The following OR2K2 variants were observed in gnomAD, a reference collection of about 807,000 sequenced individuals.
The protein encoded by OR2K2 is olfactory receptor 2K2.
OR2K2 carries 7 observed loss-of-function variants against 11.1 expected under a neutral mutation model. That is an observed-to-expected ratio of 0.63 (90% CI 0.36 to 1.19). The LOEUF (loss-of-function observed/expected upper bound fraction) is 1.19. OR2K2 is among the 50% of genes most tolerant of loss of function. The pLI is 0.02. For synonymous variants in OR2K2, 152 were observed against 150.8 expected (o/e 1.01, Z -0.06); for missense variants, 391 against 383.4 (o/e 1.02, Z -0.17).
At chr9:111,329,090 T>A (rs2098102133) in intron 1 of OR2K2, among the ~76,000 whole-genome samples, 1 of 151,824 alleles carries the variant, frequency 6.6e-6, no homozygotes, top group Non-Finnish European at 1.5e-5. Flanking sequence ...GTGGCGCACA[T>A]CTGTGGTCCC....
Position 111,327,784 on chromosome 9 carries a change from T to C in OR2K2, c.650A>G (p.Tyr217Cys). ...PIPMLLVCIS[Y>C]IFILSTILRI... ...CAGAATAGTGGAAAGGATGAAGATG[T>C]AAGAGATGCAAACTAAGAGCATTGG... The change falls in exon 2 of 2, where the codon TAC (tyrosine) becomes TGC (cysteine). Residue 217 changes from tyrosine to cysteine, a missense_variant. Physicochemically the swap from Tyr to Cys is radical, Grantham distance 194. Coordinates refer to ENST00000302681, the MANE Select transcript of OR2K2 (RefSeq NM_205859.2). The C allele has an allele frequency of 6.2e-7, 1 of 1,614,158 alleles. No individual in the cohort carries two copies. The highest frequency in any genetic ancestry group is 8.5e-7 in the Non-Finnish European group (1 of 1,180,026).
rs570703827 is a variant in OR2K2, at chr9:111,327,320, A to G, written c.*163T>C. Among the ~76,000 whole-genome samples the G allele has an allele frequency of 3.9e-5, 6 of 152,324 alleles. No homozygotes were observed. The East Asian group carries it at 1.2e-3, about 29-fold the overall frequency. On this transcript the variant is annotated 3_prime_UTR_variant, in exon 2 of 2. Coordinates refer to ENST00000302681, the MANE Select transcript of OR2K2 (RefSeq NM_205859.2). Reference sequence around the variant, plus strand: ...GAAATATTAACAAATGCAAATTGAAACCTACTATTATTAATAGGCAATCAC... The same window carrying G: ...GAAATATTAACAAATGCAAATTGAAGCCTACTATTATTAATAGGCAATCAC...
rs936933943 is a variant in OR2K2, at chr9:111,330,207, T to C, written c.-151A>G. 1.3e-5 allele frequency: 2 copies of C among 152,220 alleles called. No homozygotes were observed. The highest frequency in any genetic ancestry group is 1.3e-4 in the Admixed American group (2 of 15,284). The allele number at this position is 152,220 out of a possible 1,614,324, so 9.4% of individuals were successfully genotyped here. A position where few individuals can be genotyped will look rare whatever the true frequency, so the allele number is the denominator to read the frequency against. On this transcript the variant is annotated 5_prime_UTR_variant, in exon 1 of 2. Coordinates refer to ENST00000302681, the MANE Select transcript of OR2K2 (RefSeq NM_205859.2). The stretch of plus-strand genomic sequence containing the variant: ...CTTCAAATAAAACGTTGTTTTATGA[T>C]GCACTTCATAAAGTTAACTACGTCC...
chr9:111,328,516 T>C, intron 1 of OR2K2, 34 bp from the exon 2 acceptor site: 2 of 906,348 alleles, frequency 2.2e-6, no homozygotes, highest in Non-Finnish European at 1.7e-6. Flanking sequence ...AAGTGTGATA[T>C]TCATTTAGTT....
chr9:111,328,228 A>G lies in OR2K2; in HGVS notation c.206T>C (p.Met69Thr), dbSNP rs374784106. The G allele has an allele frequency of 2.2e-5, 35 of 1,614,036 alleles. No homozygotes were observed. The highest frequency in any genetic ancestry group is 8.0e-5 in the African/African-American group (6 of 74,928). Residue 69 changes from methionine (M) to threonine (T), a missense_variant, in exon 2 of 2, where the codon ATG becomes ACG. Met to Thr is a moderately conservative substitution (Grantham distance 81, BLOSUM62 -1). Coordinates refer to ENST00000302681, the MANE Select transcript of OR2K2 (RefSeq NM_205859.2). ...MYLFLGNLSF[M>T]DICYTSASVP... ...AGAGGCAGATGTGTAACAAATATCC[A>G]TGAAAGAGAGATTTCCAAGGAATAA... is the stretch of plus-strand genomic sequence containing the variant.
rs2098101669 is a variant in OR2K2 at position 111,327,794 on chromosome 9, A to C, written c.640T>G (p.Cys214Gly). The C allele has an allele frequency of 2.5e-6, 4 of 1,614,218 alleles. No homozygotes were observed. In the East Asian group the frequency reaches 8.9e-5, roughly 36 times the overall value. ...GAAAGGATGAAGATGTAAGAGATGC[A>C]AACTAAGAGCATTGGAATTGGCAAG... ...LLLPIPMLLV[C>G]ISYIFILSTI... Residue 214 changes from cysteine to glycine, a missense_variant, in exon 2 of 2, where the codon TGC becomes GGC. Coordinates refer to ENST00000302681, the MANE Select transcript of OR2K2 (RefSeq NM_205859.2).
In OR2K2 at chr9:111,327,390, T is replaced by C; in HGVS notation, c.*93A>G. ...ACTGTGAAATTATATAGAGATAAGATCCGATCAGAGTTCTAAGAGGTTGTA... is the reference window on the plus strand; with the variant it reads ...ACTGTGAAATTATATAGAGATAAGACCCGATCAGAGTTCTAAGAGGTTGTA... On this transcript the variant is annotated 3_prime_UTR_variant, in exon 2 of 2. Coordinates refer to ENST00000302681, the MANE Select transcript of OR2K2 (RefSeq NM_205859.2). 1.3e-6 allele frequency: 1 copy of C among 780,282 alleles called. No individual in the cohort carries two copies. Among genetic ancestry groups the C allele is most frequent in the African/African-American group, 1.7e-5 (1 of 57,506 alleles). 48.3% of individuals were successfully genotyped at this position (780,282 alleles called of 1,614,324 possible).
At position 111,327,667 on chromosome 9, in the gene OR2K2, G is replaced by T; in HGVS notation, c.767C>A (p.Ser256Tyr). Reference protein sequence around the residue: ...VVILYYGAALSMYLKPSSSNA... With the variant: ...VVILYYGAALYMYLKPSSSNA... ...TGATGAAGAAGGCTTTAGGTACATA[G>T]AGAGGGCAGCCCCATAATACAAAAT... is the stretch of plus-strand genomic sequence containing the variant. Residue 256 changes from serine to tyrosine, a missense_variant, in exon 2 of 2, where the codon TCT (serine) becomes TAT (tyrosine). Coordinates refer to ENST00000302681, the MANE Select transcript of OR2K2 (RefSeq NM_205859.2). The T allele has an allele frequency of 6.2e-7, 1 of 1,614,152 alleles. No homozygotes were observed. Among genetic ancestry groups the T allele is most frequent in the Non-Finnish European group, 8.5e-7 (1 of 1,180,032 alleles).
At position 111,327,901 on chromosome 9, in the gene OR2K2, C is replaced by T. The variant is rs370838346; in HGVS notation, c.533G>A (p.Cys178Tyr). The change falls in exon 2 of 2, where the codon TGT becomes TAT. Residue 178 changes from cysteine (C) to tyrosine (Y), a missense_variant. Transcript: ENST00000302681. Reference sequence around the variant, plus strand: ...TAACTTTAGCACCGCCAGAATTTCACACGTGAAGTGATCGATGAGATTCCC... The same window carrying T: ...TAACTTTAGCACCGCCAGAATTTCATACGTGAAGTGATCGATGAGATTCCC... ...LCGNLIDHFT[C>Y]EILAVLKLAC... 6.9e-5 allele frequency: 111 copies of T among 1,614,202 alleles called. No individual in the cohort carries two copies. The highest frequency in any genetic ancestry group is 2.7e-4 in the East Asian group (12 of 44,886).
rs1321212378 is a variant in OR2K2, at chr9:111,327,599, C to T, written c.835G>A (p.Val279Met). ...IDKIISLLYG[V>M]LTPMLNPIIY... ...ATGGGGTTCAACATAGGGGTAAGCA[C>T]TCCGTAAAGCAACGAGATGATTTTG... Residue 279 changes from valine to methionine, a missense_variant, in exon 2 of 2, where the codon GTG (valine) becomes ATG (methionine). Transcript: ENST00000302681. The T allele has an allele frequency of 6.2e-6, 10 of 1,614,082 alleles. No homozygotes were observed. Among genetic ancestry groups the T allele is most frequent in the Middle Eastern group, 1.6e-4 (1 of 6,062 alleles).
Position 111,327,556 on chromosome 9 carries a change from T to C in OR2K2, c.878A>G (p.Asn293Ser). The stretch of plus-strand genomic sequence containing the variant: ...CTTCATAGCATCTTTGACTTCCTTG[T>C]TTCTTAAACTGTAAATTATGGGGTT... The part of the protein sequence containing the change: ...MLNPIIYSLR[N>S]KEVKDAMKKL... The change falls in exon 2 of 2, where the codon AAC becomes AGC. Residue 293 changes from asparagine to serine, a missense_variant. Coordinates refer to ENST00000302681, the MANE Select transcript of OR2K2 (RefSeq NM_205859.2). The C allele has an allele frequency of 6.2e-7, 1 of 1,612,140 alleles. No homozygotes were observed. The highest frequency in any genetic ancestry group is 1.1e-5 in the South Asian group (1 of 90,436).
At position 111,327,402 on chromosome 9, in the gene OR2K2, T is replaced by A. The variant is rs1425527672; in HGVS notation, c.*81A>T. On this transcript the variant is annotated 3_prime_UTR_variant, in exon 2 of 2. Transcript: ENST00000302681. ...TATAGAGATAAGATCCGATCAGAGT[T>A]CTAAGAGGTTGTATGTTGTCTCGAA... 6.9e-6 allele frequency: 6 copies of A among 871,098 alleles called. No homozygotes were observed. Among genetic ancestry groups the A allele is most frequent in the Non-Finnish European group, 1.1e-5 (6 of 546,358 alleles). 54.0% of individuals were successfully genotyped at this position (871,098 alleles called of 1,614,324 possible). A position where few individuals can be genotyped will look rare whatever the true frequency, so the allele number is the denominator to read the frequency against.
rs537232623 is a variant in OR2K2 at position 111,328,240 on chromosome 9, T to C, written c.194A>G (p.Asn65Ser). Reference sequence around the variant, plus strand: ...GTAACAAATATCCATGAAAGAGAGATTTCCAAGGAATAAGTACATGGGGGT... The same window carrying C: ...GTAACAAATATCCATGAAAGAGAGACTTCCAAGGAATAAGTACATGGGGGT... Reference protein sequence around the residue: ...LKTPMYLFLGNLSFMDICYTS... With the variant: ...LKTPMYLFLGSLSFMDICYTS... The change falls in exon 2 of 2, where the codon AAT becomes AGT. Residue 65 changes from asparagine (N) to serine (S), a missense_variant. Physicochemically the swap from Asn to Ser is conservative, Grantham distance 46. Transcript: ENST00000302681. The C allele has an allele frequency of 6.2e-7, 1 of 1,614,054 alleles. No homozygotes were observed. Among genetic ancestry groups the C allele is most frequent in the Non-Finnish European group, 8.5e-7 (1 of 1,180,008 alleles).
Position 111,327,745 on chromosome 9 carries a change from G to T in OR2K2, c.689C>A (p.Ala230Glu). The change falls in exon 2 of 2, where the codon GCA (alanine) becomes GAA (glutamate). Residue 230 changes from alanine (A) to glutamate (E), a missense_variant. Coordinates refer to ENST00000302681, the MANE Select transcript of OR2K2 (RefSeq NM_205859.2). ...AGAAAAAGCCTTGTTTCTTCCCTCT[G>T]CTGAGGTGATTCTCAGAATAGTGGA... Reference protein sequence around the residue: ...ILSTILRITSAEGRNKAFSTC... With the variant: ...ILSTILRITSEEGRNKAFSTC... The T allele has an allele frequency of 6.2e-7, 1 of 1,614,154 alleles. No individual in the cohort carries two copies. Among genetic ancestry groups the T allele is most frequent in the Non-Finnish European group, 8.5e-7 (1 of 1,179,998 alleles).
At position 111,327,726 on chromosome 9, in the gene OR2K2, A is replaced by G; in HGVS notation, c.708T>C (p.Ala236=). ...RITSAEGRNK[A]FSTCGAHLTV... ...TCAAATGGGCACCACAGGTAGAAAA[A>G]GCCTTGTTTCTTCCCTCTGCTGAGG... Residue 236 remains alanine (A), a synonymous_variant, in exon 2 of 2, where the codon GCT becomes GCC. Transcript: ENST00000302681. The G allele has an allele frequency of 6.2e-7, 1 of 1,614,196 alleles. No individual in the cohort carries two copies. The highest frequency in any genetic ancestry group is 8.5e-7 in the Non-Finnish European group (1 of 1,180,026).
In OR2K2 at chr9:111,328,426, C is replaced by T. The variant is rs774885536; in HGVS notation, c.8G>A (p.Gly3Glu). The T allele has an allele frequency of 1.9e-6, 3 of 1,602,648 alleles. No homozygotes were observed. Among genetic ancestry groups the T allele is most frequent in the East Asian group, 2.2e-5 (1 of 44,844 alleles). The change falls in exon 2 of 2, where the codon GGA becomes GAA. Residue 3 changes from glycine (G) to glutamate (E), a missense_variant. Gly to Glu is a moderately conservative substitution (Grantham distance 98, BLOSUM62 -2). Coordinates refer to ENST00000302681, the MANE Select transcript of OR2K2 (RefSeq NM_205859.2). ...AATGCTCCAAATGGTGAAGTTTTCT[C>T]CTTGCATTTTCTTTCTTTCATCTAT... MQ[G>E]ENFTIWSIFF...
intron 1 of OR2K2, among the ~76,000 whole-genome samples, chr9:111,329,828 C>CA (rs1296886801): frequency 5.3e-5 from 8 of 152,092 alleles, no homozygotes; most frequent in Non-Finnish European, 1.2e-4. Context: ...AAAATTATTA[C>CA]AAAAAACTTA....
At position 111,328,058 on chromosome 9, in the gene OR2K2, T is replaced by A; in HGVS notation, c.376A>T (p.Ile126Phe). 6.2e-7 allele frequency: 1 copy of A among 1,614,132 alleles called. No homozygotes were observed. The highest frequency in any genetic ancestry group is 8.5e-7 in the Non-Finnish European group (1 of 1,180,026). The change falls in exon 2 of 2, where the codon ATT becomes TTT. Residue 126 changes from isoleucine (I) to phenylalanine (F), a missense_variant. Coordinates refer to ENST00000302681, the MANE Select transcript of OR2K2 (RefSeq NM_205859.2). The part of the protein sequence containing the change: ...AVMAYDRYVA[I>F]CNPLRYSIIM... ...ATGGAGTATCTCAGCGGGTTACAAATGGCCACATAACGGTCATATGCCATC... is the reference window on the plus strand; with the variant it reads ...ATGGAGTATCTCAGCGGGTTACAAAAGGCCACATAACGGTCATATGCCATC...
Position 111,327,717 on chromosome 9 carries a change from G to A in OR2K2, c.717C>T (p.Thr239=), listed in dbSNP as rs1443369181. ...SAEGRNKAFS[T]CGAHLTVVIL... ...TCACCACAGTCAAATGGGCACCACA[G>A]GTAGAAAAAGCCTTGTTTCTTCCCT... is the stretch of plus-strand genomic sequence containing the variant. The change falls in exon 2 of 2, where the codon ACC becomes ACT. Residue 239 remains threonine (T), a synonymous_variant. Coordinates refer to ENST00000302681, the MANE Select transcript of OR2K2 (RefSeq NM_205859.2). The A allele has an allele frequency of 6.2e-7, 1 of 1,614,000 alleles. No individual in the cohort carries two copies. Among genetic ancestry groups the A allele is most frequent in the Non-Finnish European group, 8.5e-7 (1 of 1,180,004 alleles).
Sources: allele counts gnomAD v4.1 joint callset (sites outside exome capture counted in the v4.1 genomes callset), GRCh38; gene constraint gnomAD v4.1.1; transcripts MANE v1.5; gene names NCBI Gene and HGNC (gene_info 2026-07-23, HGNC 2026-07-21).